The following RASA2 variants were observed in gnomAD, a reference collection of about 807,000 sequenced individuals.
The protein encoded by RASA2 is RAS p21 protein activator 2.
A neutral mutation model predicts 118.2 loss-of-function variants in RASA2; 155 were observed. The observed-to-expected ratio is 1.31, with a 90% CI of 1.15 to 1.50. The LOEUF is 1.50. Ranked by LOEUF, RASA2 falls within the 40% of genes most tolerant of loss-of-function variation. The probability of loss-of-function intolerance (pLI) is 0.00; values close to 1 mark genes in which losing one functional copy is unlikely to be tolerated. For synonymous variants in RASA2, 353 were observed against 349.1 expected (o/e 1.01, Z -0.12); for missense variants, 1,016 against 1,009.6 (o/e 1.01, Z -0.09).
chr3:141,554,002 A>G, intron 6 of RASA2, 62 bp downstream of exon 6: 2 of 1,547,976 alleles, frequency 1.3e-6, no homozygotes, highest in Non-Finnish European at 1.7e-6. Flanking sequence ...AAAATTTAAA[A>G]AGTAAGATTC....
At chr3:141,567,364 G>A (rs377097711) in intron 9 of RASA2, among the ~76,000 whole-genome samples, 6 of 152,160 alleles carry the variant, frequency 3.9e-5, no homozygotes, top group East Asian at 3.9e-4. Context: ...TCAGTGAGCC[G>A]AGAGCATGCC....
chr3:141,593,777 CAAAGT>C (rs1036210432), intron 19 of RASA2, among the ~76,000 whole-genome samples: 1 of 152,078 alleles, frequency 6.6e-6, no homozygotes, highest in Non-Finnish European at 1.5e-5. Context: ...TAAGAATAAA[CAAAGT>C]ATAGTATAAA....
At chr3:141,560,137 A>G in intron 9 of RASA2, 142 bp downstream of exon 9, 1 of 599,102 alleles carries the variant, frequency 1.7e-6, no homozygotes, top group Admixed American at 3.3e-5. Flanking sequence ...ATGTTCATTA[A>G]TTCATTGTTG....
chr3:141,560,950 ACTTG>A lies in RASA2; in HGVS notation c.863+956_863+959del, dbSNP rs1396600722. Among the ~76,000 whole-genome samples, 4 of 152,246 alleles carry A rather than the reference ACTTG, an allele frequency of 2.6e-5. No individual in the cohort carries two copies. In the East Asian group the frequency reaches 7.7e-4, roughly 29 times the overall value. ...AGAGTCTTGTCCTAGAGCAGTTATC[ACTTG>A]TAGACTGATATGGAGACTCTCAAAA... On this transcript the variant is annotated intron_variant, in intron 9 of 23. Transcript: ENST00000286364.
At chr3:141,580,167 A>T in intron 15 of RASA2, among the ~76,000 whole-genome samples, 1 of 143,140 alleles carries the variant, frequency 7.0e-6, no homozygotes, top group East Asian at 2.1e-4. Flanking sequence ...AAGAATTGTT[A>T]ATTATATATG....
At chr3:141,550,526 A>G (rs1422590212) in intron 5 of RASA2, among the ~76,000 whole-genome samples, 1 of 152,246 alleles carries the variant, frequency 6.6e-6, no homozygotes, top group East Asian at 1.9e-4. Flanking sequence ...TACAGATTTC[A>G]GTAATTCTGC....
At chr3:141,571,704 C>T (rs2082923106) in intron 11 of RASA2, 150 bp downstream of exon 11, 1 of 715,332 alleles carries the variant, frequency 1.4e-6, no homozygotes, top group South Asian at 2.3e-5. Context: ...TAACAAAAGG[C>T]AGTTAAGCTA....
At chr3:141,569,982 C>T (rs758191445) in intron 9 of RASA2, among the ~76,000 whole-genome samples, 14 of 151,804 alleles carry the variant, frequency 9.2e-5, no homozygotes, top group Non-Finnish European at 1.9e-4. Context: ...TCTGTGACTG[C>T]GAACAAGATT....
In RASA2 at chr3:141,559,991, G is replaced by A; in HGVS notation, c.859G>A (p.Ala287Thr). ...ATTAAGAACTGATTCCTCTCATCAA[G>A]CCTGGTAAGGGCCCAGCATTTTAGT... ...NVLRTDSSHQ[A>T]WYLLQPRDNG... The change falls in exon 9 of 24, where the codon GCC becomes ACC. Residue 287 changes from alanine to threonine, a missense_variant. Ala to Thr is a moderately conservative substitution (Grantham distance 58, BLOSUM62 0). Transcript: ENST00000286364. 2 of 1,611,474 alleles carry A rather than the reference G, an allele frequency of 1.2e-6. No homozygotes were observed. Among genetic ancestry groups the A allele is most frequent in the Non-Finnish European group, 1.7e-6 (2 of 1,177,922 alleles).
chr3:141,603,077 C>T (rs541621438), intron 19 of RASA2, among the ~76,000 whole-genome samples: 10 of 152,266 alleles, frequency 6.6e-5, no homozygotes, highest in African/African-American at 1.9e-4. Context: ...TTACCCTATG[C>T]GGTTTTTCAT....
chr3:141,562,431 GCTA>G (rs1387003213), intron 9 of RASA2, among the ~76,000 whole-genome samples: 1 of 896 alleles, frequency 1.1e-3, no homozygotes, highest in East Asian at 0.024. Flanking sequence ...AGACATCCTG[GCTA>G]ACAATGGTGA....
At chr3:141,544,871 A>C (rs1347371738) in intron 5 of RASA2, among the ~76,000 whole-genome samples, 1 of 152,232 alleles carries the variant, frequency 6.6e-6, no homozygotes, top group African/African-American at 2.4e-5. Flanking sequence ...TATCCTTAGC[A>C]GACTAACGCA....
intron 19 of RASA2, among the ~76,000 whole-genome samples, chr3:141,594,551 CA>C (rs2083337836): frequency 1.3e-5 from 2 of 151,948 alleles, no homozygotes; most frequent in South Asian, 4.1e-4. Context: ...AAGATACATA[CA>C]CAGGGGAACA....
Position 141,570,975 on chromosome 3 carries a change from T to G in RASA2, c.927T>G (p.Leu309=), listed in dbSNP as rs374956044. 1 of 1,612,482 alleles carries G rather than the reference T, an allele frequency of 6.2e-7. No individual in the cohort carries two copies. Among genetic ancestry groups the G allele is most frequent in the Non-Finnish European group, 8.5e-7 (1 of 1,179,210 alleles). ...KSSKTDDLGS[L]RLNICYTEDY... ...CCAAAACTGATGACCTGGGGTCTCTTCGATTAAATATATGTTATACAGAAG... is the reference window on the plus strand; with the variant it reads ...CCAAAACTGATGACCTGGGGTCTCTGCGATTAAATATATGTTATACAGAAG... The change falls in exon 10 of 24, where the codon CTT becomes CTG. Residue 309 remains leucine (L), a synonymous_variant. Transcript: ENST00000286364.
intron 5 of RASA2, among the ~76,000 whole-genome samples, chr3:141,543,747 C>T (rs77258934): frequency 0.02 from 3,057 of 151,944 alleles, 78 homozygotes; most frequent in East Asian, 0.11. Flanking sequence ...TCGATGGTTT[C>T]TGATGTGAAG....
intron 20 of RASA2, 72 bp downstream of exon 20, chr3:141,607,832 ATTTG>A: frequency 7.1e-7 from 1 of 1,410,018 alleles, no homozygotes; most frequent in Non-Finnish European, 9.3e-7. Context: ...ATTTCGAGGT[ATTTG>A]TTAATACCTT....
Position 141,577,065 on chromosome 3 carries a change from G to A in RASA2, c.1549G>A (p.Val517Ile), listed in dbSNP as rs201190266. 40 of 1,610,782 alleles carry A rather than the reference G, an allele frequency of 2.5e-5. No homozygotes were observed. The highest frequency in any genetic ancestry group is 2.9e-5 in the Non-Finnish European group (34 of 1,178,034). ...FVFLRFFAVA[V>I]VSPHTFHLRP... ...ATTTCTTCGTTTCTTTGCTGTAGCCGTAGTATCACCTCATACTTTTCATTT... is the reference window on the plus strand; with the variant it reads ...ATTTCTTCGTTTCTTTGCTGTAGCCATAGTATCACCTCATACTTTTCATTT... Residue 517 changes from valine (V) to isoleucine (I), a missense_variant, in exon 15 of 24, where the codon GTA (valine) becomes ATA (isoleucine). By Grantham distance (29) the Val-to-Ile change is conservative. This residue lies in a region of RASA2 where 896 missense variants were observed against 836.4 expected (regional missense o/e 1.07). Coordinates refer to ENST00000286364, the MANE Select transcript of RASA2 (RefSeq NM_006506.5).
chr3:141,605,441 A>G (rs1186380944), intron 19 of RASA2, among the ~76,000 whole-genome samples: 1 of 152,108 alleles, frequency 6.6e-6, no homozygotes, highest in African/African-American at 2.4e-5. Flanking sequence ...AATTAACCCT[A>G]ATGATATCAT....
chr3:141,506,801 A>C (rs2081874336), intron 1 of RASA2, among the ~76,000 whole-genome samples: 1 of 151,950 alleles, frequency 6.6e-6, no homozygotes, highest in Admixed American at 6.6e-5. Context: ...CTGTAGTCCC[A>C]GCTACTCGGG....
Sources: allele counts gnomAD v4.1 joint callset (sites outside exome capture counted in the v4.1 genomes callset), GRCh38; gene constraint gnomAD v4.1.1; regional missense constraint gnomAD v4.1.1; transcripts MANE v1.5; gene names NCBI Gene and HGNC (gene_info 2026-07-23, HGNC 2026-07-21).